Variants in ZNF425 observed in about 807,000 individuals in gnomAD.
ZNF425 encodes zinc finger protein 425.
ZNF425 carries 21 observed loss-of-function variants against 17.0 expected under a neutral mutation model. The observed-to-expected ratio is 1.23, with a 90% CI of 0.88 to 1.78. ZNF425 has a LOEUF of 1.78. Ranked by LOEUF, ZNF425 falls within the 40% of genes most tolerant of loss-of-function variation. The probability of loss-of-function intolerance (pLI) is 0.00; values close to 1 mark genes in which losing one functional copy is unlikely to be tolerated. For synonymous variants in ZNF425, 433 were observed against 384.1 expected, an observed-to-expected ratio of 1.13 and a Z score of -1.49; for missense variants, 868 against 967.3, an observed-to-expected ratio of 0.90 and a Z score of 1.36.
chr7:149,115,676 C>T (rs1368515119), intron 2 of ZNF425, among the ~76,000 whole-genome samples: 4 of 143,626 alleles, frequency 2.8e-5, no homozygotes, highest in South Asian at 2.2e-4. Flanking sequence ...GGTGACAGAG[C>T]GAGACTCCGT....
In ZNF425 at chr7:149,104,575, G is replaced by A. The variant is rs762665967; in HGVS notation, c.1296C>T (p.His432=). The A allele has an allele frequency of 2.7e-5, 44 of 1,613,818 alleles. No individual in the cohort carries two copies. Among genetic ancestry groups the A allele is most frequent in the Non-Finnish European group, 3.3e-5 (39 of 1,179,992 alleles). Residue 432 remains histidine, a synonymous_variant, in exon 4 of 4, where the codon CAC becomes CAT. Coordinates refer to ENST00000378061, the MANE Select transcript of ZNF425 (RefSeq NM_001001661.3). The surrounding 1 kb of genome is among the most constrained non-coding windows in gnomAD (Gnocchi z 4.3). ...SFRLKRSLKA[H]GLQHIGKRPF... ...GCCGCTTCCCAATGTGCTGCAGCCC[G>A]TGGGCTTTCAGGCTTCTCTTGAGGC... is the stretch of plus-strand genomic sequence containing the variant.
In ZNF425 at chr7:149,114,887, T is replaced by A. The variant is rs373030251; in HGVS notation, c.146-2592A>T. Among the ~76,000 whole-genome samples the A allele has an allele frequency of 2.0e-5, 3 of 149,762 alleles. No homozygotes were observed. The East Asian group carries it at 5.9e-4, about 29-fold the overall frequency. On this transcript the variant is annotated intron_variant, in intron 2 of 3. Coordinates refer to ENST00000378061, the MANE Select transcript of ZNF425 (RefSeq NM_001001661.3). ...TGATGAGATGGCTCACATCCAATCC[T>A]CACCATTGAGGTACCAAAATTCTTT...
chr7:149,120,637 C>T (rs1012719474), intron 1 of ZNF425, among the ~76,000 whole-genome samples: 4 of 152,124 alleles, frequency 2.6e-5, no homozygotes, highest in South Asian at 2.1e-4. Flanking sequence ...CAACTGCCTA[C>T]GGTATTCAGT....
chr7:149,114,433 G>A (rs1420229717), intron 2 of ZNF425, among the ~76,000 whole-genome samples: 1 of 145,852 alleles, frequency 6.9e-6, no homozygotes, highest in African/African-American at 2.6e-5. Context: ...TGGAGTGCAG[G>A]GCACAGTCTG....
At chr7:149,126,000 C>T (rs1400404160) in intron 1 of ZNF425, 196 bp downstream of exon 1, 13 of 1,195,012 alleles carry the variant, frequency 1.1e-5, no homozygotes, top group Non-Finnish European at 1.5e-5. Context: ...ACCAGCTTTT[C>T]CCCAGGTCAA....
At chr7:149,113,995 T>TAG (rs1002352580) in intron 2 of ZNF425, among the ~76,000 whole-genome samples, 2 of 135,936 alleles carry the variant, frequency 1.5e-5, no homozygotes, top group African/African-American at 5.4e-5. Flanking sequence ...GCCTAGGTGA[T>TAG]AGAGAGAGAC....
chr7:149,112,699 T>C (rs1426949292), intron 2 of ZNF425, among the ~76,000 whole-genome samples: 1 of 152,144 alleles, frequency 6.6e-6, no homozygotes, highest in Non-Finnish European at 1.5e-5. Flanking sequence ...AGGGTCTCAC[T>C]CTGTCACCCA....
chr7:149,109,719 T>C (rs1034420987), intron 3 of ZNF425, among the ~76,000 whole-genome samples: 4 of 152,200 alleles, frequency 2.6e-5, no homozygotes, highest in African/African-American at 9.6e-5. Context: ...ACAATTGTTT[T>C]ATTCATATGT....
chr7:149,109,743 C>T (rs1323367358), intron 3 of ZNF425, among the ~76,000 whole-genome samples: 1 of 152,160 alleles, frequency 6.6e-6, no homozygotes, highest in African/African-American at 2.4e-5. Context: ...CATACACATA[C>T]ATTATATAAA....
chr7:149,110,953 C>A lies in ZNF425; in HGVS notation c.304+1184G>T, dbSNP rs1176952225. ...GGGATTACAGGCATGCGCCAACACC[C>A]CCGGCTAATTTTTGTATTTTTAGTA... On this transcript the variant is annotated intron_variant, in intron 3 of 3. Coordinates refer to ENST00000378061, the MANE Select transcript of ZNF425 (RefSeq NM_001001661.3). Among the ~76,000 whole-genome samples, 4 of 151,788 alleles carry A rather than the reference C, an allele frequency of 2.6e-5. No homozygotes were observed. In the East Asian group the frequency reaches 8.0e-4, roughly 30 times the overall value.
chr7:149,103,947 T>C lies in ZNF425; in HGVS notation c.1924A>G (p.Met642Val), dbSNP rs750752477. Residue 642 changes from methionine (M) to valine (V), a missense_variant, in exon 4 of 4, where the codon ATG becomes GTG. Coordinates refer to ENST00000378061, the MANE Select transcript of ZNF425 (RefSeq NM_001001661.3). ...HSGQKPFSCVMCGKSFTQQYR... is the reference protein window; with the variant it reads ...HSGQKPFSCVVCGKSFTQQYR... ...TGTTGAGTGAAACTTTTGCCGCACA[T>C]CACACAAGAGAATGGCTTTTGGCCA... 16 of 1,613,684 alleles carry C rather than the reference T, an allele frequency of 9.9e-6. No individual in the cohort carries two copies. The highest frequency in any genetic ancestry group is 1.1e-5 in the South Asian group (1 of 91,068).
chr7:149,123,690 C>T (rs1259659863), intron 1 of ZNF425, among the ~76,000 whole-genome samples: 1 of 151,944 alleles, frequency 6.6e-6, no homozygotes, highest in African/African-American at 2.4e-5. Flanking sequence ...CGCCACCACA[C>T]CCGGCTAATT....
intron 2 of ZNF425, among the ~76,000 whole-genome samples, chr7:149,116,139 G>C (rs1254749977): frequency 2.0e-5 from 3 of 152,084 alleles, no homozygotes; most frequent in Non-Finnish European, 4.4e-5. Flanking sequence ...TGTTGTCCCA[G>C]GTCTCTTTCT....
Position 149,104,582 on chromosome 7 carries a change from T to C in ZNF425, c.1289A>G (p.Lys430Arg). 1 of 1,614,054 alleles carries C rather than the reference T, an allele frequency of 6.2e-7. No individual in the cohort carries two copies. Among genetic ancestry groups the C allele is most frequent in the Non-Finnish European group, 8.5e-7 (1 of 1,180,016 alleles). ...NKSFRLKRSLKAHGLQHIGKR... is the reference protein window; with the variant it reads ...NKSFRLKRSLRAHGLQHIGKR... The stretch of plus-strand genomic sequence containing the variant: ...CCCAATGTGCTGCAGCCCGTGGGCT[T>C]TCAGGCTTCTCTTGAGGCGGAAACT... The change falls in exon 4 of 4, where the codon AAA becomes AGA. Residue 430 changes from lysine (K) to arginine (R), a missense_variant. Around this residue, in one of 5 missense-constraint regions of ZNF425, gnomAD observed 437 missense variants for 444.2 expected, o/e 0.98. Coordinates refer to ENST00000378061, the MANE Select transcript of ZNF425 (RefSeq NM_001001661.3). This position sits in a 1 kb window ranked among gnomAD's most constrained non-coding sequence, Gnocchi z 4.3.
chr7:149,116,391 C>G (rs1373109108), intron 2 of ZNF425, among the ~76,000 whole-genome samples: 1 of 152,138 alleles, frequency 6.6e-6, no homozygotes, highest in Non-Finnish European at 1.5e-5. Context: ...TCAGGATACT[C>G]AAACCAAAAA....
chr7:149,118,409 T>C (rs1381898283), intron 1 of ZNF425, 61 bp from the exon 2 acceptor site: 2 of 1,574,692 alleles, frequency 1.3e-6, no homozygotes, highest in African/African-American at 2.7e-5. Flanking sequence ...TTTTTCAATG[T>C]CCATTACTTT....
intron 1 of ZNF425, among the ~76,000 whole-genome samples, chr7:149,124,317 G>A (rs1292007853): frequency 8.7e-5 from 13 of 149,178 alleles, no homozygotes; most frequent in Non-Finnish European, 1.6e-4. Context: ...CACCACGCCC[G>A]GCTAATTTTT....
Position 149,104,670 on chromosome 7 carries a change from G to C in ZNF425, c.1201C>G (p.Leu401Val). 3 of 1,614,088 alleles carry C rather than the reference G, an allele frequency of 1.9e-6. No individual in the cohort carries two copies. The South Asian group carries it at 3.3e-5, about 18-fold the overall frequency. ...GTGTGAACTCTGATGTGCTCGTCCA[G>C]CTTAATCTTGTAGATGAATTTCCTG... ...CGRKFIYKIKLDEHIRVHTGE... is the reference protein window; with the variant it reads ...CGRKFIYKIKVDEHIRVHTGE... Residue 401 changes from leucine to valine, a missense_variant, in exon 4 of 4, where the codon CTG (leucine) becomes GTG (valine). Physicochemically the swap from Leu to Val is conservative, Grantham distance 32. Around this residue, in one of 5 missense-constraint regions of ZNF425, gnomAD observed 243 missense variants for 265.2 expected, o/e 0.92. Coordinates refer to ENST00000378061, the MANE Select transcript of ZNF425 (RefSeq NM_001001661.3). This position sits in a 1 kb window ranked among gnomAD's most constrained non-coding sequence, Gnocchi z 4.3.
rs369445344 is a variant in ZNF425, at chr7:149,104,155, G to A, written c.1716C>T (p.His572=). 1 of 1,612,944 alleles carries A rather than the reference G, an allele frequency of 6.2e-7. No homozygotes were observed. Among genetic ancestry groups the A allele is most frequent in the Non-Finnish European group, 8.5e-7 (1 of 1,179,758 alleles). Residue 572 remains histidine (H), a synonymous_variant, in exon 4 of 4, where the codon CAC becomes CAT. Transcript: ENST00000378061. This position sits in a 1 kb window ranked among gnomAD's most constrained non-coding sequence, Gnocchi z 4.3. ...GCTTCTCGTCCCTGTGCATCCGCTGGTGGAACTTCATGGAGGCCTTCCAGG... is the reference window on the plus strand; with the variant it reads ...GCTTCTCGTCCCTGTGCATCCGCTGATGGAACTTCATGGAGGCCTTCCAGG... ...SFSWKASMKF[H]QRMHRDEKPF...
Sources: allele counts gnomAD v4.1 joint callset (sites outside exome capture counted in the v4.1 genomes callset), GRCh38; gene constraint gnomAD v4.1.1; regional missense constraint gnomAD v4.1.1; non-coding constraint Gnocchi (gnomAD v3.1); transcripts MANE v1.5; gene names NCBI Gene and HGNC (gene_info 2026-07-23, HGNC 2026-07-21).